TSC1: variants seen among roughly 807,000 people sequenced by gnomAD.
TSC1 encodes hamartin.
In TSC1, 20 loss-of-function variants were observed where a neutral mutation model predicts 124.3. The ratio of observed to expected loss-of-function variants is 0.16; its 90% CI spans 0.11 to 0.23. The LOEUF (loss-of-function observed/expected upper bound fraction) is 0.23. Among genes scored for constraint, TSC1 ranks in the 10% least tolerant of loss-of-function variants. The pLI is 1.00. For missense variants in TSC1, 1,124 were observed against 1,448.5 expected (o/e 0.78, Z 3.64); for synonymous variants, 493 against 539.1 (o/e 0.91, Z 1.19).
In TSC1 at chr9:132,902,712, T is replaced by C. The variant is rs1264839312; in HGVS notation, c.2284A>G (p.Asn762Asp). 32 of 1,614,194 alleles carry C rather than the reference T, an allele frequency of 2.0e-5. No homozygotes were observed. The highest frequency in any genetic ancestry group is 2.5e-5 in the Non-Finnish European group (29 of 1,180,030). The change falls in exon 18 of 23, where the codon AAT (asparagine) becomes GAT (aspartate). Residue 762 changes from asparagine (N) to aspartate (D), a missense_variant. Asn to Asp is a conservative substitution (Grantham distance 23). Around this residue, in one of 5 missense-constraint regions of TSC1, gnomAD observed 321 missense variants for 397.4 expected, o/e 0.81. Transcript: ENST00000298552. The surrounding 1 kb of genome is among the most constrained non-coding windows in gnomAD (Gnocchi z 5.2). ...GTGTCACGCTGCTCCTGGAGCTGATTGTATCTAGCTTGTTCTTTCTGCAGA... is the reference window on the plus strand; with the variant it reads ...GTGTCACGCTGCTCCTGGAGCTGATCGTATCTAGCTTGTTCTTTCTGCAGA... Reference protein sequence around the residue: ...VSLQKEQARYNQLQEQRDTMV... With the variant: ...VSLQKEQARYDQLQEQRDTMV...
In TSC1 at chr9:132,906,072, G is replaced by A. The variant is rs772337076; in HGVS notation, c.1506C>T (p.Gly502=). ...TGTCTCGGTAAAAGGGAGAGTCAAA[G>A]CCTCCTCGAGGAACCACAGGCTCTG... ...AEAEPVVPRG[G]FDSPFYRDSL... The change falls in exon 15 of 23, where the codon GGC becomes GGT. Residue 502 remains glycine (G), a synonymous_variant. Transcript: ENST00000298552. This position sits in a 1 kb window ranked among gnomAD's most constrained non-coding sequence, Gnocchi z 4.1. The A allele has an allele frequency of 2.5e-5, 41 of 1,613,946 alleles. No homozygotes were observed. The highest frequency in any genetic ancestry group is 5.0e-5 in the Admixed American group (3 of 60,000).
At chr9:132,910,484 A>G (rs936973186) in intron 12 of TSC1, 87 bp downstream of exon 12, 2 of 1,606,576 alleles carry the variant, frequency 1.2e-6, no homozygotes, top group Admixed American at 1.7e-5. Context: ...TCAGAATTCT[A>G]TCTGGCATAA....
chr9:132,930,674 G>C (rs1486191253), intron 2 of TSC1, among the ~76,000 whole-genome samples: 1 of 149,848 alleles, frequency 6.7e-6, no homozygotes, highest in Non-Finnish European at 1.5e-5. Flanking sequence ...CCCAAAAACT[G>C]CCAGGTATTA....
chr9:132,942,625 C>T (rs866962251), intron 1 of TSC1, among the ~76,000 whole-genome samples: 1 of 152,156 alleles, frequency 6.6e-6, no homozygotes, highest in African/African-American at 2.4e-5. Flanking sequence ...TTTATGGAAA[C>T]AAGAAGGCTG....
intron 2 of TSC1, among the ~76,000 whole-genome samples, chr9:132,931,009 A>G (rs1847173954): frequency 6.6e-6 from 1 of 152,226 alleles, no homozygotes; most frequent in Non-Finnish European, 1.5e-5. Flanking sequence ...ATATTATCAT[A>G]AAAAATACCA....
At chr9:132,927,684 G>A (rs190209207) in intron 3 of TSC1, among the ~76,000 whole-genome samples, 5 of 151,932 alleles carry the variant, frequency 3.3e-5, no homozygotes, top group African/African-American at 7.2e-5. Context: ...CTGCCACCAC[G>A]CCTGGCTAAT....
At chr9:132,919,949 A>C (rs1846457694) in intron 8 of TSC1, among the ~76,000 whole-genome samples, 1 of 152,242 alleles carries the variant, frequency 6.6e-6, no homozygotes, top group East Asian at 1.9e-4. Flanking sequence ...TGATCAGCAG[A>C]GGACATTCAT....
At chr9:132,926,403 T>C (rs1262542320) in intron 4 of TSC1, 2 of 158,272 alleles carry the variant, frequency 1.3e-5, no homozygotes, top group Non-Finnish European at 2.8e-5. Flanking sequence ...GGGAAGTTGC[T>C]CTCATATATA....
At chr9:132,913,917 T>A (rs113192929) in intron 8 of TSC1, among the ~76,000 whole-genome samples, 10,269 of 94,894 alleles carry the variant, frequency 0.11, 685 homozygotes, top group Non-Finnish European at 0.13. Flanking sequence ...TTTTTTTTTT[T>A]AGACAGAGTC....
At position 132,896,514 on chromosome 9, in the gene TSC1, G is replaced by C. The variant is rs118203747; in HGVS notation, c.3216C>G (p.Ala1072=). The C allele has an allele frequency of 1.2e-6, 2 of 1,614,228 alleles. No homozygotes were observed. Among genetic ancestry groups the C allele is most frequent in the African/African-American group, 2.7e-5 (2 of 75,062 alleles). The part of the protein sequence containing the change: ...RWETTMGEAS[A]SIPTTVGSLP... The stretch of plus-strand genomic sequence containing the variant: ...GTGAGCCCACAGTGGTGGGGATGCT[G>C]GCAGACGCTTCTCCCATAGTCGTCT... Residue 1072 remains alanine (A), a synonymous_variant, in exon 23 of 23, where the codon GCC becomes GCG. Coordinates refer to ENST00000298552, the MANE Select transcript of TSC1 (RefSeq NM_000368.5). The surrounding 1 kb of genome is among the most constrained non-coding windows in gnomAD (Gnocchi z 4.5).
chr9:132,906,892 G>A lies in TSC1; in HGVS notation c.1334-57C>T. The A allele has an allele frequency of 6.0e-6, 8 of 1,342,884 alleles. No homozygotes were observed. Among genetic ancestry groups the A allele is most frequent in the Admixed American group, 5.1e-5 (3 of 59,108 alleles). 83.2% of individuals were successfully genotyped at this position (1,342,884 alleles called of 1,614,324 possible). A position where few individuals can be genotyped will look rare whatever the true frequency, so the allele number is the denominator to read the frequency against. On this transcript the variant is annotated intron_variant, in intron 13 of 22. Coordinates refer to ENST00000298552, the MANE Select transcript of TSC1 (RefSeq NM_000368.5). The surrounding 1 kb of genome is among the most constrained non-coding windows in gnomAD (Gnocchi z 4.1). ...GAAATACAGTGTAATCCCTGTAAGTGTAAAACTGCTTACACTGTATAGAAT... is the reference window on the plus strand; with the variant it reads ...GAAATACAGTGTAATCCCTGTAAGTATAAAACTGCTTACACTGTATAGAAT...
rs375956049 is a variant in TSC1, at chr9:132,911,535, C to T, written c.947G>A (p.Arg316Gln). Residue 316 changes from arginine (R) to glutamine (Q), a missense_variant, in exon 10 of 23, where the codon CGG becomes CAG. Physicochemically the swap from Arg to Gln is conservative, Grantham distance 43. Around this residue, in one of 5 missense-constraint regions of TSC1, gnomAD observed 463 missense variants for 606.8 expected, o/e 0.76. Coordinates refer to ENST00000298552, the MANE Select transcript of TSC1 (RefSeq NM_000368.5). Reference sequence around the variant, plus strand: ...CCCTGGCATATTTAACAACATCAGCCGAGACGTGGAGTAAGGGGTAGAAGT... The same window carrying T: ...CCCTGGCATATTTAACAACATCAGCTGAGACGTGGAGTAAGGGGTAGAAGT... Reference protein sequence around the residue: ...CATSTPYSTSRLMLLNMPGQL... With the variant: ...CATSTPYSTSQLMLLNMPGQL... The T allele has an allele frequency of 7.5e-6, 12 of 1,609,118 alleles. No individual in the cohort carries two copies. Among genetic ancestry groups the T allele is most frequent in the Admixed American group, 3.4e-5 (2 of 59,140 alleles).
In TSC1 at chr9:132,921,219, T is replaced by C; in HGVS notation, c.737+144A>G. On this transcript the variant is annotated intron_variant, in intron 8 of 22. Transcript: ENST00000298552. The surrounding 1 kb of genome is among the most constrained non-coding windows in gnomAD (Gnocchi z 4.3). Reference sequence around the variant, plus strand: ...AGTATGTTTTAAACTCACACAAATTTTAGCTGTATGAGTGCTTCCAAGTGG... The same window carrying C: ...AGTATGTTTTAAACTCACACAAATTCTAGCTGTATGAGTGCTTCCAAGTGG... 2 of 821,226 alleles carry C rather than the reference T, an allele frequency of 2.4e-6. No homozygotes were observed. Among genetic ancestry groups the C allele is most frequent in the Non-Finnish European group, 2.0e-6 (1 of 492,172 alleles). 50.9% of individuals were successfully genotyped at this position (821,226 alleles called of 1,614,324 possible). A position where few individuals can be genotyped will look rare whatever the true frequency, so the allele number is the denominator to read the frequency against.
chr9:132,906,897 AC>A lies in TSC1; in HGVS notation c.1334-63del. On this transcript the variant is annotated intron_variant, in intron 13 of 22. Transcript: ENST00000298552. This position sits in a 1 kb window ranked among gnomAD's most constrained non-coding sequence, Gnocchi z 4.1. The stretch of plus-strand genomic sequence containing the variant: ...ACAGTGTAATCCCTGTAAGTGTAAA[AC>A]TGCTTACACTGTATAGAATATGTCT... The A allele has an allele frequency of 8.1e-7, 1 of 1,235,338 alleles. No individual in the cohort carries two copies. Among genetic ancestry groups the A allele is most frequent in the Non-Finnish European group, 1.2e-6 (1 of 840,636 alleles). The allele number at this position is 1,235,338 out of a possible 1,614,324, so 76.5% of individuals were successfully genotyped here.
chr9:132,907,829 G>A (rs979810622), intron 12 of TSC1, among the ~76,000 whole-genome samples: 7 of 152,210 alleles, frequency 4.6e-5, no homozygotes, highest in African/African-American at 1.7e-4. Context: ...GCCCACGCCT[G>A]TAGTCCCAGC....
chr9:132,944,003 C>A (rs1479823556), intron 1 of TSC1: 1 of 152,522 alleles, frequency 6.6e-6, no homozygotes, highest in Admixed American at 6.5e-5. Flanking sequence ...CACAAGTACA[C>A]CCAGAGCGAG....
chr9:132,938,791 T>C (rs1847593942), intron 1 of TSC1, among the ~76,000 whole-genome samples: 1 of 152,192 alleles, frequency 6.6e-6, no homozygotes, highest in Admixed American at 6.5e-5. Flanking sequence ...AAGATGTCTT[T>C]AGAATGGATT....
chr9:132,925,221 A>T (rs1846786591), intron 5 of TSC1, among the ~76,000 whole-genome samples: 1 of 152,240 alleles, frequency 6.6e-6, no homozygotes, highest in Non-Finnish European at 1.5e-5. Context: ...AGAAACTTTA[A>T]GCCATTTTTC....
chr9:132,933,553 G>C (rs181931269), intron 2 of TSC1, among the ~76,000 whole-genome samples: 1 of 152,128 alleles, frequency 6.6e-6, no homozygotes, highest in Admixed American at 6.5e-5. Context: ...CAGGTACAAG[G>C]TTCCTTCCAG....
Sources: gnomAD v4.1 joint callset for allele counts (sites outside exome capture counted in the v4.1 genomes callset) on GRCh38, gnomAD v4.1.1 for gene constraint, gnomAD v4.1.1 regional missense constraint, Gnocchi (gnomAD v3.1) non-coding constraint, MANE v1.5 for transcripts, NCBI Gene and HGNC (gene_info 2026-07-23, HGNC 2026-07-21) for gene names.